CFAP47: variants seen among roughly 807,000 people sequenced by gnomAD.
CFAP47 encodes the protein cilia and flagella associated protein 47, also known as cilia- and flagella-associated protein 47.
In CFAP47, 29 loss-of-function variants were observed where a neutral mutation model predicts 148.1. The ratio of observed to expected loss-of-function variants is 0.20; its 90% confidence interval spans 0.15 to 0.27. The LOEUF is 0.27. Ranked by LOEUF, CFAP47 falls within the 10% of genes least tolerant of loss-of-function variation. CFAP47 has a pLI of 1.00. For missense variants in CFAP47, 1,872 were observed against 1,697.5 expected, an observed-to-expected ratio of 1.10 and a Z score of -1.81; for synonymous variants, 664 against 577.3, an observed-to-expected ratio of 1.15 and a Z score of -2.15.
chrX:36,054,863 C>G (rs911062612), intron 26 of CFAP47, among the ~76,000 whole-genome samples: 2 of 110,303 alleles, frequency 1.8e-5, no homozygotes, highest in Non-Finnish European at 3.8e-5. Context: ...AGTTCCGCCT[C>G]CCGGGTTCAC....
intron 54 of CFAP47, among the ~76,000 whole-genome samples, chrX:36,304,909 G>C (rs1316571403): frequency 8.9e-6 from 1 of 112,334 alleles, no homozygotes; most frequent in East Asian, 2.8e-4. Flanking sequence ...TTTGCAGTGA[G>C]TGTCATACTT....
chrX:36,157,550 C>A (rs1372114121), intron 37 of CFAP47, among the ~76,000 whole-genome samples: 1 of 111,652 alleles, frequency 9.0e-6, no homozygotes, highest in Non-Finnish European at 1.9e-5. Context: ...TCTGACCTTT[C>A]AGACTATGTC....
Position 36,032,468 on chromosome X carries a change from T to C in CFAP47, c.3651+1121T>C, listed in dbSNP as rs147074872. Reference sequence around the variant, plus strand: ...TTTGGAATAAAGAAATAAAATTCATTTTACATAGTGGGTAATTAAAGGATA... The same window carrying C: ...TTTGGAATAAAGAAATAAAATTCATCTTACATAGTGGGTAATTAAAGGATA... On this transcript the variant is annotated intron_variant, in intron 23 of 63. Coordinates refer to ENST00000378653, the MANE Select transcript of CFAP47 (RefSeq NM_001304548.2). Among the ~76,000 whole-genome samples, 595 of 110,945 alleles carry C rather than the reference T, an allele frequency of 5.4e-3. 6 individuals are homozygous for C. Among genetic ancestry groups the C allele is most frequent in the African/African-American group, 0.019 (569 of 30,659 alleles).
At chrX:36,377,073 G>T (rs1335759638) in intron 62 of CFAP47, among the ~76,000 whole-genome samples, 1 of 111,055 alleles carries the variant, frequency 9.0e-6, no homozygotes, top group East Asian at 2.8e-4. Context: ...GAATAATGCC[G>T]CAATAAACAT....
At chrX:36,109,925 A>G (rs1938528485) in intron 33 of CFAP47, among the ~76,000 whole-genome samples, 1 of 111,851 alleles carries the variant, frequency 8.9e-6, no homozygotes, top group African/African-American at 3.3e-5. Flanking sequence ...GTGTCTGTTC[A>G]TGTCCTTTGC....
intron 29 of CFAP47, among the ~76,000 whole-genome samples, chrX:36,084,247 T>C (rs892230147): frequency 1.8e-5 from 2 of 111,300 alleles, no homozygotes; most frequent in Non-Finnish European, 3.8e-5. Context: ...TGAATGTCTG[T>C]TTTTATTGCT....
chrX:35,937,104 GTTTTT>G (rs377601530), intron 2 of CFAP47, among the ~76,000 whole-genome samples: 1 of 55,541 alleles, frequency 1.8e-5, no homozygotes, highest in East Asian at 5.8e-4. Context: ...TGCAATTGCT[GTTTTT>G]TTTTTTTTTT....
intron 1 of CFAP47, among the ~76,000 whole-genome samples, chrX:35,922,027 A>T (rs1317465942): frequency 9.0e-6 from 1 of 111,323 alleles, no homozygotes; most frequent in Middle Eastern, 4.6e-3. Context: ...ACTATTACTG[A>T]TTTTCAATAA....
intron 26 of CFAP47, among the ~76,000 whole-genome samples, chrX:36,064,807 A>G (rs1305003844): frequency 8.9e-6 from 1 of 112,214 alleles, no homozygotes; most frequent in East Asian, 2.8e-4. Flanking sequence ...GCACAAGAAT[A>G]GAATTGTCAT....
intron 63 of CFAP47, among the ~76,000 whole-genome samples, chrX:36,382,090 A>G (rs782211429): frequency 1.2e-3 from 131 of 111,193 alleles, no homozygotes; most frequent in African/African-American, 4.0e-3. Context: ...AAATCCAAGT[A>G]CCATATTTGC....
At chrX:35,940,232 C>G (rs893878739) in intron 2 of CFAP47, among the ~76,000 whole-genome samples, 10 of 110,897 alleles carry the variant, frequency 9.0e-5, no homozygotes, top group African/African-American at 3.3e-4. Context: ...AAATTTTCTC[C>G]CATTTTGTAG....
chrX:36,384,863 G>A lies in CFAP47; in HGVS notation c.9421G>A (p.Ala3141Thr). 8.6e-7 allele frequency: 1 copy of A among 1,166,563 alleles called. No individual in the cohort carries two copies. The highest frequency in any genetic ancestry group is 2.3e-4 in the Middle Eastern group (1 of 4,305). The part of the protein sequence containing the change: ...LTPTTVPPKN[A>T]KAKIDATHKT... ...TCCAACTACCGTGCCACCAAAAAATGCAAAAGCCAAAATTGATGCTACTCA... is the reference window on the plus strand; with the variant it reads ...TCCAACTACCGTGCCACCAAAAAATACAAAAGCCAAAATTGATGCTACTCA... Residue 3141 changes from alanine (A) to threonine (T), a missense_variant, in exon 64 of 64, where the codon GCA (alanine) becomes ACA (threonine). Physicochemically the swap from Ala to Thr is moderately conservative, Grantham distance 58 (BLOSUM62 0). Transcript: ENST00000378653.
chrX:36,271,652 A>G (rs926275464), intron 49 of CFAP47, among the ~76,000 whole-genome samples: 6 of 112,347 alleles, frequency 5.3e-5, no homozygotes, highest in Non-Finnish European at 9.4e-5. Flanking sequence ...AAATAAACTC[A>G]TGCTAACTTG....
At chrX:35,972,813 A>C (rs141071154) in intron 13 of CFAP47, among the ~76,000 whole-genome samples, 1,837 of 111,309 alleles carry the variant, frequency 0.017, 44 homozygotes, top group African/African-American at 0.057. Context: ...GCTATGATCA[A>C]TAATGCTGCT....
chrX:36,000,016 A>T (rs1450138667), intron 19 of CFAP47, among the ~76,000 whole-genome samples: 1 of 111,160 alleles, frequency 9.0e-6, no homozygotes, highest in Non-Finnish European at 1.9e-5. Flanking sequence ...AAATCTAGAA[A>T]CTAAATGAAA....
At chrX:35,999,136 AAT>A (rs1468950936) in intron 19 of CFAP47, among the ~76,000 whole-genome samples, 1 of 112,081 alleles carries the variant, frequency 8.9e-6, no homozygotes, top group East Asian at 2.8e-4. Context: ...TGCTCATTTG[AAT>A]GGGATAACAA....
intron 29 of CFAP47, among the ~76,000 whole-genome samples, chrX:36,081,995 A>G (rs1937991718): frequency 8.9e-6 from 1 of 111,987 alleles, no homozygotes; most frequent in African/African-American, 3.2e-5. Context: ...GCAAGCAGAC[A>G]AGAGAAAGAA....
chrX:36,025,152 A>C (rs1336245807), intron 22 of CFAP47, among the ~76,000 whole-genome samples: 3 of 111,267 alleles, frequency 2.7e-5, no homozygotes, highest in African/African-American at 9.8e-5. Context: ...TGGTAGTGAA[A>C]ATTTTTTGTA....
chrX:36,330,740 C>A (rs1172266233), intron 57 of CFAP47, among the ~76,000 whole-genome samples: 1 of 111,586 alleles, frequency 9.0e-6, no homozygotes, highest in Admixed American at 9.5e-5. Flanking sequence ...GGCTGGAGGA[C>A]AAAGAAAGCA....
Sources: gnomAD v4.1 joint callset for allele counts (sites outside exome capture counted in the v4.1 genomes callset) on GRCh38, gnomAD v4.1.1 for gene constraint, MANE v1.5 for transcripts, NCBI Gene and HGNC (gene_info 2026-07-23, HGNC 2026-07-21) for gene names.